CAMK1G: variants seen among roughly 807,000 people sequenced by gnomAD.
CAMK1G encodes the protein calcium/calmodulin-dependent protein kinase type 1G.
A neutral mutation model predicts 54.8 loss-of-function variants in CAMK1G; 27 were observed. The observed-to-expected ratio is 0.49, with a 90% CI of 0.36 to 0.68. The LOEUF is 0.68. Among genes scored for constraint, CAMK1G ranks in the 30% least tolerant of loss-of-function variants. CAMK1G has a pLI of 0.00. For missense variants in CAMK1G, 512 were observed against 591.0 expected, an observed-to-expected ratio of 0.87 and a Z score of 1.39; for synonymous variants, 238 against 224.9, an observed-to-expected ratio of 1.06 and a Z score of -0.52.
chr1:209,608,589 G>A (rs1665706172), intron 7 of CAMK1G, among the ~76,000 whole-genome samples: 1 of 152,176 alleles, frequency 6.6e-6, no homozygotes, highest in Non-Finnish European at 1.5e-5. Flanking sequence ...CCCTGTGCTA[G>A]GTTCTAAAGA....
At chr1:209,606,490 C>T (rs748338518) in intron 6 of CAMK1G, 47 bp downstream of exon 6, 3 of 1,597,002 alleles carry the variant, frequency 1.9e-6, no homozygotes, top group South Asian at 2.2e-5. Flanking sequence ...CTACATTCAA[C>T]CACATGCCTA....
At chr1:209,594,252 A>C (rs1028598202) in intron 1 of CAMK1G, among the ~76,000 whole-genome samples, 1 of 152,086 alleles carries the variant, frequency 6.6e-6, no homozygotes, top group African/African-American at 2.4e-5. Flanking sequence ...TTACTTGCCC[A>C]TTGCCCGTCT....
chr1:209,609,645 C>T (rs866875513), intron 8 of CAMK1G, among the ~76,000 whole-genome samples: 7 of 152,172 alleles, frequency 4.6e-5, no homozygotes, highest in South Asian at 2.1e-4. Flanking sequence ...GTGGGTGAGG[C>T]GGCTTGGAGC....
intron 3 of CAMK1G, among the ~76,000 whole-genome samples, chr1:209,600,847 G>GA (rs1440701698): frequency 6.6e-6 from 1 of 152,220 alleles, no homozygotes; most frequent in African/African-American, 2.4e-5. Context: ...GTGGGGGCAA[G>GA]AAAGGCAATG....
At chr1:209,585,663 A>G (rs1402553293) in intron 1 of CAMK1G, among the ~76,000 whole-genome samples, 3 of 152,246 alleles carry the variant, frequency 2.0e-5, no homozygotes, top group Non-Finnish European at 4.4e-5. Flanking sequence ...AGCGAATACT[A>G]TAAAGCCTGG....
At chr1:209,584,598 A>G (rs1190124616) in intron 1 of CAMK1G, among the ~76,000 whole-genome samples, 2 of 152,160 alleles carry the variant, frequency 1.3e-5, no homozygotes, top group South Asian at 2.1e-4. Context: ...ACTTTGACGC[A>G]CAAACATTAA....
rs780296684 is a variant in CAMK1G at position 209,609,835 on chromosome 1, T to C, written c.749-16T>C. ...ATCTGGTCCTTAGTCGTCGTGTCTT[T>C]GATTACTCCCCTTAGCCAAGGACTT... On this transcript the variant is annotated splice_polypyrimidine_tract_variant and intron_variant, in intron 8 of 12. Coordinates refer to ENST00000361322, the MANE Select transcript of CAMK1G (RefSeq NM_020439.3). 6.2e-7 allele frequency: 1 copy of C among 1,614,062 alleles called. No individual in the cohort carries two copies. Among genetic ancestry groups the C allele is most frequent in the Non-Finnish European group, 8.5e-7 (1 of 1,179,876 alleles).
chr1:209,607,829 G>C (rs1282836970), intron 6 of CAMK1G, 29 bp from the exon 7 acceptor site: 3 of 1,602,888 alleles, frequency 1.9e-6, no homozygotes, highest in Non-Finnish European at 2.6e-6. Flanking sequence ...CTTGCCACCA[G>C]CCCTGACTCT....
intron 3 of CAMK1G, among the ~76,000 whole-genome samples, chr1:209,601,495 A>G (rs954975792): frequency 6.6e-6 from 1 of 152,232 alleles, no homozygotes; most frequent in African/African-American, 2.4e-5. Context: ...CTATCTCAAC[A>G]TGAAGGCATT....
At chr1:209,600,228 T>C in intron 3 of CAMK1G, 117 bp downstream of exon 3, 2 of 1,241,014 alleles carry the variant, frequency 1.6e-6, no homozygotes, top group Non-Finnish European at 2.2e-6. Flanking sequence ...CTCACTTTGA[T>C]TGAGTTGATG....
intron 1 of CAMK1G, among the ~76,000 whole-genome samples, chr1:209,591,236 G>T (rs757018564): frequency 1.3e-5 from 2 of 152,132 alleles, no homozygotes; most frequent in African/African-American, 4.8e-5. Flanking sequence ...GAACTGCTGT[G>T]GTCCCTCTGG....
At chr1:209,609,994 T>A in intron 9 of CAMK1G, 65 bp downstream of exon 9, 1 of 1,261,634 alleles carries the variant, frequency 7.9e-7, no homozygotes, top group Non-Finnish European at 1.2e-6. Flanking sequence ...TGCTGACTCA[T>A]TCATATTGCA....
chr1:209,589,260 T>C (rs998159280), intron 1 of CAMK1G, among the ~76,000 whole-genome samples: 2 of 152,170 alleles, frequency 1.3e-5, no homozygotes, highest in Non-Finnish European at 2.9e-5. Context: ...CCTTGTCTAG[T>C]GTTGCAGGGA....
intron 1 of CAMK1G, among the ~76,000 whole-genome samples, chr1:209,592,793 C>T (rs1665290740): frequency 6.6e-6 from 1 of 152,206 alleles, no homozygotes; most frequent in South Asian, 2.1e-4. Context: ...CCAAGAGCCT[C>T]GCTTGTATCA....
intron 3 of CAMK1G, 93 bp downstream of exon 3, chr1:209,600,204 AC>A (rs1399099851): frequency 1.5e-5 from 22 of 1,447,364 alleles, no homozygotes; most frequent in Non-Finnish European, 2.0e-5. Context: ...GGATTTCTGC[AC>A]CCAAAGGCAT....
At chr1:209,606,294 T>C in intron 5 of CAMK1G, 26 bp from the exon 6 acceptor site, 1 of 1,612,594 alleles carries the variant, frequency 6.2e-7, no homozygotes, top group Non-Finnish European at 8.5e-7. Flanking sequence ...GGTTATATCC[T>C]ACACTACATA....
intron 1 of CAMK1G, among the ~76,000 whole-genome samples, chr1:209,586,539 T>C (rs1217557217): frequency 6.6e-6 from 1 of 152,150 alleles, no homozygotes; most frequent in Non-Finnish European, 1.5e-5. Flanking sequence ...GATTCCTGTC[T>C]CCTGTCCTGT....
At chr1:209,601,487 A>G (rs1041748355) in intron 3 of CAMK1G, among the ~76,000 whole-genome samples, 19 of 152,216 alleles carry the variant, frequency 1.2e-4, no homozygotes, top group Admixed American at 3.3e-4. Flanking sequence ...GTATCCACCT[A>G]TCTCAACATG....
At chr1:209,588,132 C>A (rs1665148566) in intron 1 of CAMK1G, among the ~76,000 whole-genome samples, 1 of 152,196 alleles carries the variant, frequency 6.6e-6, no homozygotes, top group South Asian at 2.1e-4. Flanking sequence ...TCAGAAGCCC[C>A]TAGTGACAGC....
Sources: allele counts gnomAD v4.1 joint callset (sites outside exome capture counted in the v4.1 genomes callset), GRCh38; gene constraint gnomAD v4.1.1; transcripts MANE v1.5; gene names NCBI Gene and HGNC (gene_info 2026-07-23, HGNC 2026-07-21).